The following LIN7C variants were observed in gnomAD, a reference collection of about 807,000 sequenced individuals.
LIN7C encodes protein lin-7 homolog C.
A neutral mutation model predicts 24.7 loss-of-function variants in LIN7C; 17 were observed. That is an observed-to-expected ratio of 0.69 (90% CI 0.47 to 1.03). The LOEUF (loss-of-function observed/expected upper bound fraction) is 1.03, where lower values mean the gene tolerates loss of function less well. LIN7C is among the 50% of genes least tolerant of loss of function. The probability of loss-of-function intolerance (pLI) is 0.00; values close to 1 mark genes in which losing one functional copy is unlikely to be tolerated. For synonymous variants in LIN7C, 90 were observed against 83.4 expected, an observed-to-expected ratio of 1.08 and a Z score of -0.43; for missense variants, 204 against 239.0, an observed-to-expected ratio of 0.85 and a Z score of 0.97.
intron 2 of LIN7C, 51 bp from the exon 3 acceptor site, chr11:27,501,617 T>TAAAGTTAAAATTTCAGGC: frequency 2.0e-6 from 2 of 1,021,540 alleles, no homozygotes; most frequent in South Asian, 1.4e-5. Context: ...GAGTTCTCTG[T>TAAAGTTAAAATTTCAGGC]GAAGTTAAAA....
At chr11:27,502,570 G>A (rs764747966) in intron 1 of LIN7C, among the ~76,000 whole-genome samples, 14 of 151,994 alleles carry the variant, frequency 9.2e-5, no homozygotes, top group Admixed American at 2.0e-4. Context: ...CAACACTTAT[G>A]TTTACAAAAA....
intron 1 of LIN7C, among the ~76,000 whole-genome samples, chr11:27,503,477 G>C (rs1865244798): frequency 1.3e-5 from 2 of 152,160 alleles, no homozygotes; most frequent in South Asian, 4.1e-4. Context: ...CTTCGTGTTT[G>C]CAGATAGAAA....
rs1050303077 is a variant in LIN7C, at chr11:27,498,931, A to C, written c.439-127T>G. ...AATGTTATATTATTCCAACATTACA[A>C]AACTAAGAAATAATCCTGCCTTACC... On this transcript the variant is annotated intron_variant, in intron 4 of 4. Transcript: ENST00000278193. 2.7e-5 allele frequency: 21 copies of C among 782,136 alleles called. 1 individual carries two copies. The highest frequency in any genetic ancestry group is 2.7e-4 in the Admixed American group (9 of 33,854). The allele number at this position is 782,136 out of a possible 1,614,324, so 48.4% of individuals were successfully genotyped here.
At chr11:27,502,541 T>C (rs943953940) in intron 1 of LIN7C, among the ~76,000 whole-genome samples, 9 of 151,948 alleles carry the variant, frequency 5.9e-5, no homozygotes, top group African/African-American at 2.2e-4. Context: ...TAATTAACAC[T>C]GTTAATTCAA....
chr11:27,505,163 T>C (rs1345193278), intron 1 of LIN7C, among the ~76,000 whole-genome samples: 1 of 151,950 alleles, frequency 6.6e-6, no homozygotes, highest in Non-Finnish European at 1.5e-5. Context: ...TGAAACCCCG[T>C]CTCTACTAAA....
intron 3 of LIN7C, among the ~76,000 whole-genome samples, chr11:27,500,832 CAT>C (rs1208564814): frequency 2.6e-5 from 4 of 152,134 alleles, no homozygotes; most frequent in East Asian, 1.9e-4. Flanking sequence ...ACTATATCCA[CAT>C]GTTTAAGTAT....
At chr11:27,498,840 A>G (rs1942295487) in intron 4 of LIN7C, 36 bp from the exon 5 acceptor site, 1 of 1,579,444 alleles carries the variant, frequency 6.3e-7, no homozygotes, top group Non-Finnish European at 8.6e-7. Context: ...ATACACTAAT[A>G]TCTAAGTTTT....
At position 27,497,460 on chromosome 11, in the gene LIN7C, T is replaced by A. The variant is rs1865183587; in HGVS notation, c.*1189A>T. On this transcript the variant is annotated 3_prime_UTR_variant, in exon 5 of 5. Transcript: ENST00000278193. ...GCTGCCTTTTAGTAAAATAGTGACA[T>A]CCAGTGGACAAATGAAATATTTCTC... The A allele has an allele frequency of 6.6e-6, 1 of 152,536 alleles. No homozygotes were observed. Among genetic ancestry groups the A allele is most frequent in the South Asian group, 2.1e-4 (1 of 4,832 alleles). 9.4% of individuals were successfully genotyped at this position (152,536 alleles called of 1,614,324 possible).
In LIN7C at chr11:27,496,181, G is replaced by T. The variant is rs954255002; in HGVS notation, c.*2468C>A. The stretch of plus-strand genomic sequence containing the variant: ...CAAAAAAAAAAAAAAGGGTGATTTT[G>T]ATTTAGTTGTTATGGAATAGGACCC... On this transcript the variant is annotated 3_prime_UTR_variant, in exon 5 of 5. Coordinates refer to ENST00000278193, the MANE Select transcript of LIN7C (RefSeq NM_018362.4). The T allele has an allele frequency of 6.6e-6, 1 of 151,020 alleles. No individual in the cohort carries two copies. The highest frequency in any genetic ancestry group is 1.5e-5 in the Non-Finnish European group (1 of 67,814). The allele number at this position is 151,020 out of a possible 1,614,324, so 9.4% of individuals were successfully genotyped here.
chr11:27,506,342 G>A (rs945437090), intron 1 of LIN7C, among the ~76,000 whole-genome samples: 1 of 152,216 alleles, frequency 6.6e-6, no homozygotes, highest in Non-Finnish European at 1.5e-5. Context: ...GTGCTGTACA[G>A]GCAATGAGTG....
At position 27,495,089 on chromosome 11, in the gene LIN7C, AAAGTACTTGAGCCAGACTACTT is replaced by A. The variant is rs1865149602; in HGVS notation, c.*3538_*3559del. On this transcript the variant is annotated 3_prime_UTR_variant, in exon 5 of 5. Coordinates refer to ENST00000278193, the MANE Select transcript of LIN7C (RefSeq NM_018362.4). ...TATAATATCCATTTTAATTGTAAAC[AAAGTACTTGAGCCAGACTACTT>A]AAGTACTTGAGCAAAATAACTTAAA... 6.5e-6 allele frequency: 1 copy of A among 152,674 alleles called. No individual in the cohort carries two copies. The highest frequency in any genetic ancestry group is 2.4e-5 in the African/African-American group (1 of 41,458). 9.5% of individuals were successfully genotyped at this position (152,674 alleles called of 1,614,324 possible).
At position 27,501,796 on chromosome 11, in the gene LIN7C, A is replaced by T; in HGVS notation, c.156+6T>A. 6.4e-7 allele frequency: 1 copy of T among 1,554,732 alleles called. No individual in the cohort carries two copies. The highest frequency in any genetic ancestry group is 8.9e-7 in the Non-Finnish European group (1 of 1,128,328). On this transcript the variant is annotated splice_donor_region_variant and intron_variant, in intron 2 of 4. Coordinates refer to ENST00000278193, the MANE Select transcript of LIN7C (RefSeq NM_018362.4). ...ATTTTTGTAAATTTTAATGATGTTT[A>T]CTCACCTCTCTCACAGCATTGCAGA...
intron 4 of LIN7C, 58 bp downstream of exon 4, chr11:27,499,301 A>C: frequency 7.0e-7 from 1 of 1,427,876 alleles, no homozygotes; most frequent in Admixed American, 1.8e-5. Context: ...TATTACTCAA[A>C]TACGCCCCCA....
At chr11:27,505,572 G>C (rs1254076739) in intron 1 of LIN7C, among the ~76,000 whole-genome samples, 1 of 152,140 alleles carries the variant, frequency 6.6e-6, no homozygotes, top group Non-Finnish European at 1.5e-5. Flanking sequence ...TTTACAGTGA[G>C]GCTTCCAAAT....
In LIN7C at chr11:27,499,441, A is replaced by C; in HGVS notation, c.356T>G (p.Ile119Arg). ...AATTCCACCTGGAATTATTCGGGAT[A>C]TATAGATTGGAGAGTTTTGTTCTTT... Reference protein sequence around the residue: ...GGKEQNSPIYISRIIPGGIAD... With the variant: ...GGKEQNSPIYRSRIIPGGIAD... The change falls in exon 4 of 5, where the codon ATA becomes AGA. Residue 119 changes from isoleucine (I) to arginine (R), a missense_variant. Coordinates refer to ENST00000278193, the MANE Select transcript of LIN7C (RefSeq NM_018362.4). 6.2e-7 allele frequency: 1 copy of C among 1,614,142 alleles called. No individual in the cohort carries two copies.
chr11:27,498,759 C>T lies in LIN7C; in HGVS notation c.484G>A (p.Ala162Thr), dbSNP rs144609210. 10 of 1,613,810 alleles carry T rather than the reference C, an allele frequency of 6.2e-6. No individual in the cohort carries two copies. Among genetic ancestry groups the T allele is most frequent in the Non-Finnish European group, 7.6e-6 (9 of 1,179,928 alleles). Reference sequence around the variant, plus strand: ...ACTAATTTAACCTTTCCTTGTGCGGCTTTCAGCAGTTCTACAGCTTTTTCA... The same window carrying T: ...ACTAATTTAACCTTTCCTTGTGCGGTTTTCAGCAGTTCTACAGCTTTTTCA... ...HHEKAVELLKAAQGKVKLVVR... is the reference protein window; with the variant it reads ...HHEKAVELLKTAQGKVKLVVR... Residue 162 changes from alanine to threonine, a missense_variant, in exon 5 of 5, where the codon GCC becomes ACC. Physicochemically the swap from Ala to Thr is moderately conservative, Grantham distance 58. Transcript: ENST00000278193.
At chr11:27,499,201 T>G (rs910706416) in intron 4 of LIN7C, among the ~76,000 whole-genome samples, 158 bp downstream of exon 4, 1 of 152,162 alleles carries the variant, frequency 6.6e-6, no homozygotes, top group African/African-American at 2.4e-5. Context: ...AATACACTTA[T>G]AGTGCTTAAA....
chr11:27,504,283 A>C (rs985964808), intron 1 of LIN7C, among the ~76,000 whole-genome samples: 1 of 152,232 alleles, frequency 6.6e-6, no homozygotes, highest in African/African-American at 2.4e-5. Context: ...AAGTTATAAT[A>C]TATAAGCCAT....
chr11:27,502,348 C>G (rs1865233997), intron 1 of LIN7C, among the ~76,000 whole-genome samples: 1 of 152,114 alleles, frequency 6.6e-6, no homozygotes. Flanking sequence ...GTAACCAAAG[C>G]ACTGAACAGT....
Sources: allele counts gnomAD v4.1 joint callset (sites outside exome capture counted in the v4.1 genomes callset), GRCh38; gene constraint gnomAD v4.1.1; transcripts MANE v1.5; gene names NCBI Gene and HGNC (gene_info 2026-07-23, HGNC 2026-07-21).